The following NRXN1 variants were observed in gnomAD, a reference collection of about 807,000 sequenced individuals.
The protein encoded by NRXN1 is neurexin-1.
Under a neutral mutation model 150.9 loss-of-function variants are expected in NRXN1, and 39 were observed. That is an observed-to-expected ratio of 0.26 (90% CI 0.20 to 0.34). The LOEUF (loss-of-function observed/expected upper bound fraction) is 0.34. NRXN1 is among the 10% of genes least tolerant of loss of function. The pLI is 1.00. For synonymous variants in NRXN1, 924 were observed against 757.0 expected (o/e 1.22, Z -3.62); for missense variants, 1,815 against 1,949.9 (o/e 0.93, Z 1.30).
At chr2:50,032,282 T>C (rs1052823929) in intron 21 of NRXN1, among the ~76,000 whole-genome samples, 1 of 152,078 alleles carries the variant, frequency 6.6e-6, no homozygotes, top group African/African-American at 2.4e-5. Context: ...AATATTTTCC[T>C]CAGCTTTCCT....
intron 8 of NRXN1, among the ~76,000 whole-genome samples, chr2:50,603,662 A>G (rs59553256): frequency 0.017 from 2,572 of 152,256 alleles, 52 homozygotes; most frequent in East Asian, 0.078. Context: ...TTCAGTAAGA[A>G]CTTTAAGAAA....
intron 1 of NRXN1, among the ~76,000 whole-genome samples, chr2:51,029,573 A>G (rs1247138269): frequency 6.6e-6 from 1 of 152,230 alleles, no homozygotes; most frequent in Non-Finnish European, 1.5e-5. Flanking sequence ...GTGGACAGTA[A>G]AAATACAACC....
chr2:50,110,759 G>A (rs1702275263), intron 18 of NRXN1, among the ~76,000 whole-genome samples: 1 of 151,978 alleles, frequency 6.6e-6, no homozygotes, highest in Non-Finnish European at 1.5e-5. Flanking sequence ...TTCAACAACA[G>A]AACTGATTAA....
intron 8 of NRXN1, among the ~76,000 whole-genome samples, chr2:50,605,080 A>G (rs1676875189): frequency 6.6e-6 from 1 of 152,210 alleles, no homozygotes; most frequent in South Asian, 2.1e-4. Context: ...CAGTAGCAAT[A>G]AATGCTATGA....
At chr2:50,145,567 T>C (rs1209656299) in intron 18 of NRXN1, among the ~76,000 whole-genome samples, 1 of 151,744 alleles carries the variant, frequency 6.6e-6, no homozygotes, top group Non-Finnish European at 1.5e-5. Context: ...AGGAAAGCTA[T>C]AATCTTTGAA....
rs567618343 is a variant in NRXN1 at position 50,042,542 on chromosome 2, C to A, written c.4128+10729G>T. On this transcript the variant is annotated intron_variant, in intron 21 of 22. Transcript: ENST00000401669. Reference sequence around the variant, plus strand: ...TCCAGTCTTGGGCCTGTCCTTATAGCAGCGTGGGAATGGACTAATACAAGG... The same window carrying A: ...TCCAGTCTTGGGCCTGTCCTTATAGAAGCGTGGGAATGGACTAATACAAGG... Among the ~76,000 whole-genome samples, 4 of 152,298 alleles carry A rather than the reference C, an allele frequency of 2.6e-5. No homozygotes were observed. The East Asian group carries it at 5.8e-4, about 22-fold the overall frequency.
At chr2:50,069,846 G>GTTTTTTTTTTT (rs1467398706) in intron 19 of NRXN1, among the ~76,000 whole-genome samples, 1 of 66,304 alleles carries the variant, frequency 1.5e-5, no homozygotes, top group African/African-American at 1.1e-4. Flanking sequence ...AGATTTTGGG[G>GTTTTTTTTTTT]GTTTTTTTTT....
rs549578576 is a variant in NRXN1 at position 50,181,380 on chromosome 2, C to G, written c.3546+55409G>C. ...TCCTTGCTGTTGTAGAATATATGAA[C>G]ATGGTCTTATAATAGGTTCAGAACC... On this transcript the variant is annotated intron_variant, in intron 18 of 22. Transcript: ENST00000401669. Among the ~76,000 whole-genome samples the G allele has an allele frequency of 3.9e-5, 6 of 152,058 alleles. No homozygotes were observed. In the South Asian group the frequency reaches 1.2e-3, roughly 31 times the overall value.
chr2:50,079,592 A>G (rs1226008069), intron 19 of NRXN1, among the ~76,000 whole-genome samples: 1 of 152,080 alleles, frequency 6.6e-6, no homozygotes, highest in East Asian at 1.9e-4. Context: ...AGACTCTTGA[A>G]TGTATATTTT....
chr2:50,129,596 A>C (rs1705164692), intron 18 of NRXN1, among the ~76,000 whole-genome samples: 1 of 152,198 alleles, frequency 6.6e-6, no homozygotes, highest in Non-Finnish European at 1.5e-5. Context: ...CATGTGTCCT[A>C]ATATAAAAAC....
intron 17 of NRXN1, among the ~76,000 whole-genome samples, chr2:50,391,652 A>T (rs573379259): frequency 1.3e-5 from 2 of 152,254 alleles, no homozygotes; most frequent in South Asian, 4.1e-4. Flanking sequence ...TTTAAGTTCC[A>T]ATGTACTAAT....
intron 5 of NRXN1, among the ~76,000 whole-genome samples, chr2:50,688,201 G>T (rs191695546): frequency 3.3e-5 from 5 of 152,200 alleles, no homozygotes; most frequent in African/African-American, 1.2e-4. Context: ...CTAACCCAAC[G>T]TTTCTTTTCC....
At chr2:50,774,901 A>T (rs1386957668) in intron 5 of NRXN1, among the ~76,000 whole-genome samples, 1 of 152,178 alleles carries the variant, frequency 6.6e-6, no homozygotes, top group Non-Finnish European at 1.5e-5. Flanking sequence ...CTATATCCCT[A>T]TGATCTAAAA....
intron 2 of NRXN1, among the ~76,000 whole-genome samples, chr2:50,969,433 T>C (rs1694657168): frequency 6.6e-6 from 1 of 152,166 alleles, no homozygotes; most frequent in African/African-American, 2.4e-5. Flanking sequence ...TATTAAATGA[T>C]TATAAACTCT....
chr2:50,446,855 A>C (rs78179388), intron 17 of NRXN1, among the ~76,000 whole-genome samples: 1 of 152,130 alleles, frequency 6.6e-6, no homozygotes, highest in East Asian at 2.0e-4. Flanking sequence ...CCTGCCAACA[A>C]ATTTAGATGT....
intron 18 of NRXN1, among the ~76,000 whole-genome samples, chr2:50,213,730 C>A (rs1574525864): frequency 6.6e-6 from 1 of 151,974 alleles, no homozygotes; most frequent in Non-Finnish European, 1.5e-5. Flanking sequence ...GGACTCCTAA[C>A]CAAGAATTCT....
intron 18 of NRXN1, among the ~76,000 whole-genome samples, chr2:50,162,094 C>A (rs950574078): frequency 1.3e-5 from 2 of 152,116 alleles, no homozygotes; most frequent in Non-Finnish European, 2.9e-5. Flanking sequence ...CTTTTTTACA[C>A]AACTCAGCAG....
intron 21 of NRXN1, among the ~76,000 whole-genome samples, chr2:49,976,075 T>C (rs1573168860): frequency 7.0e-6 from 1 of 142,530 alleles, no homozygotes; most frequent in Non-Finnish European, 1.5e-5. Context: ...CAGGCTGGAG[T>C]GCAGTGGTGG....
chr2:50,808,808 C>T (rs983196224), intron 5 of NRXN1, among the ~76,000 whole-genome samples: 1 of 152,064 alleles, frequency 6.6e-6, no homozygotes, highest in Non-Finnish European at 1.5e-5. Context: ...CACCCTACTG[C>T]CTCACTTTCA....
Sources: gnomAD v4.1 joint callset for allele counts (sites outside exome capture counted in the v4.1 genomes callset) on GRCh38, gnomAD v4.1.1 for gene constraint, MANE v1.5 for transcripts, NCBI Gene and HGNC (gene_info 2026-07-23, HGNC 2026-07-21) for gene names.